Variants in PDK1 observed in about 807,000 individuals in gnomAD.
PDK1 encodes the protein pyruvate dehydrogenase kinase 1, also known as [Pyruvate dehydrogenase (acetyl-transferring)] kinase isozyme 1, mitochondrial.
Under a neutral mutation model 54.2 loss-of-function variants are expected in PDK1, and 39 were observed. The observed-to-expected ratio is 0.72, with a 90% CI of 0.56 to 0.94. The LOEUF (loss-of-function observed/expected upper bound fraction) is 0.94, where lower values mean the gene tolerates loss of function less well. PDK1 is among the 40% of genes least tolerant of loss of function. The probability of loss-of-function intolerance (pLI) is 0.00; values close to 1 mark genes in which losing one functional copy is unlikely to be tolerated. For missense variants in PDK1, 552 were observed against 566.0 expected (o/e 0.98, Z 0.25); for synonymous variants, 221 against 207.1 (o/e 1.07, Z -0.58).
chr2:172,564,518 G>GAT lies in PDK1; in HGVS notation c.428_429dup (p.Arg144TyrfsTer18), dbSNP rs748486606. ...GTTTGTTTAGCTTTACAGATACTGT[G>GAT]ATACGGATCAGAAACCGACACAATG... On this transcript the variant is annotated frameshift_variant, in exon 4 of 11. Transcript: ENST00000282077. LOFTEE classifies it high-confidence loss of function. 67 of 1,613,986 alleles carry GAT rather than the reference G, an allele frequency of 4.2e-5. No individual in the cohort carries two copies. The highest frequency in any genetic ancestry group is 1.0e-4 in the Admixed American group (6 of 60,022).
chr2:172,633,559 A>AT, the PDK1 span, among the ~76,000 whole-genome samples: 4 of 94,520 alleles, frequency 4.2e-5, no homozygotes, highest in African/African-American at 1.0e-4. Flanking sequence ...AAGCCAATCT[A>AT]TTTTTTTGTT....
At chr2:172,644,031 A>G in the PDK1 span, among the ~76,000 whole-genome samples, 4 of 152,168 alleles carry the variant, frequency 2.6e-5, no homozygotes, top group Non-Finnish European at 4.4e-5. Context: ...ACTGAGTTCT[A>G]TGAGTGCCAT....
intron 8 of PDK1, among the ~76,000 whole-genome samples, chr2:172,579,605 C>G (rs1160304681): frequency 6.7e-6 from 1 of 148,392 alleles, no homozygotes; most frequent in Non-Finnish European, 1.5e-5. Flanking sequence ...TGATGTCACT[C>G]CTGCTGTTCT....
In PDK1 at chr2:172,600,494, T is replaced by A. The variant is rs969821851; in HGVS notation, c.*4525T>A. The A allele has an allele frequency of 6.6e-6, 1 of 152,186 alleles. No homozygotes were observed. Among genetic ancestry groups the A allele is most frequent in the Non-Finnish European group, 1.5e-5 (1 of 68,038 alleles). The allele number at this position is 152,186 out of a possible 1,614,324, so 9.4% of individuals were successfully genotyped here. On this transcript the variant is annotated 3_prime_UTR_variant, in exon 11 of 11. Transcript: ENST00000282077. The stretch of plus-strand genomic sequence containing the variant: ...CCAGTATGTAGTAGGCACCTGTAAT[T>A]GTGAAGCAGCCTCATTGTCTGGGGT...
chr2:172,595,366 G>T lies in PDK1; in HGVS notation c.1171-463G>T, dbSNP rs868665646. ...ATTATAGGCATAAGCCACCGTGCCT[G>T]GCTTGTGATGAGTTTTTTTTAAAGC... On this transcript the variant is annotated intron_variant, in intron 10 of 10. Coordinates refer to ENST00000282077, the MANE Select transcript of PDK1 (RefSeq NM_002610.5). Among the ~76,000 whole-genome samples the T allele has an allele frequency of 7.2e-5, 11 of 152,124 alleles. No homozygotes were observed. The Middle Eastern group carries it at 0.01, about 141-fold the overall frequency.
chr2:172,641,510 C>T, the PDK1 span, among the ~76,000 whole-genome samples: 2 of 150,172 alleles, frequency 1.3e-5, no homozygotes, highest in Non-Finnish European at 2.9e-5. Context: ...GGCACAATCT[C>T]GGCTCACTGC....
rs547333934 is a variant in PDK1, at chr2:172,596,027, T to C, written c.*58T>C. 7.8e-5 allele frequency: 116 copies of C among 1,481,650 alleles called. No homozygotes were observed. The African/African-American group carries it at 1.3e-3, about 17-fold the overall frequency. The allele number at this position is 1,481,650 out of a possible 1,614,324, so 91.8% of individuals were successfully genotyped here. A position where few individuals can be genotyped will look rare whatever the true frequency, so the allele number is the denominator to read the frequency against. On this transcript the variant is annotated 3_prime_UTR_variant, in exon 11 of 11. Transcript: ENST00000282077. ...GCTTTTGTATTAAATTTGGAAGGTA[T>C]GGTGTTCAGAACTATATTATACCAA...
At chr2:172,661,982 G>C in the PDK1 span, among the ~76,000 whole-genome samples, 2 of 152,142 alleles carry the variant, frequency 1.3e-5, no homozygotes, top group Non-Finnish European at 1.5e-5. Flanking sequence ...TTTTACAAAG[G>C]TGTGGAAGAA....
chr2:172,644,463 T>C, the PDK1 span, among the ~76,000 whole-genome samples: 1 of 152,240 alleles, frequency 6.6e-6, no homozygotes, highest in Non-Finnish European at 1.5e-5. Flanking sequence ...TAATAGTGCC[T>C]ACTTTACAGG....
At chr2:172,671,042 T>C in the PDK1 span, among the ~76,000 whole-genome samples, 1 of 151,932 alleles carries the variant, frequency 6.6e-6, no homozygotes, top group African/African-American at 2.4e-5. Flanking sequence ...ATGACTTATC[T>C]TTATAGGAAG....
intron 8 of PDK1, among the ~76,000 whole-genome samples, chr2:172,583,690 G>A (rs1690050010): frequency 1.3e-5 from 2 of 151,866 alleles, no homozygotes; most frequent in South Asian, 2.1e-4. Flanking sequence ...GTATTTCAAG[G>A]CAGATTTTTT....
the PDK1 span, chr2:172,724,298 C>A: frequency 4.2e-5 from 5 of 119,978 alleles, no homozygotes; most frequent in Admixed American, 3.8e-4. Flanking sequence ...AAAAGTGAGT[C>A]ATTTCAAACA....
chr2:172,617,401 CAG>C, the PDK1 span, among the ~76,000 whole-genome samples: 48 of 151,970 alleles, frequency 3.2e-4, no homozygotes, highest in Middle Eastern at 0.014. Context: ...GCTGCTATAA[CAG>C]AAGATTCAGA....
the PDK1 span, among the ~76,000 whole-genome samples, chr2:172,680,890 A>G: frequency 3.3e-4 from 51 of 152,264 alleles, 1 homozygote; most frequent in East Asian, 7.9e-3. Context: ...CAAAGGAAAA[A>G]CCTGGGATTG....
the PDK1 span, among the ~76,000 whole-genome samples, chr2:172,646,775 T>C: frequency 8.3e-6 from 1 of 120,360 alleles, no homozygotes; most frequent in Non-Finnish European, 1.8e-5. Context: ...TTTGCTCATG[T>C]TACCCAGGCT....
At chr2:172,700,871 C>G in the PDK1 span, among the ~76,000 whole-genome samples, 3 of 152,150 alleles carry the variant, frequency 2.0e-5, no homozygotes, top group South Asian at 6.2e-4. Flanking sequence ...GGCATGGCGG[C>G]GCACGCCTGC....
At chr2:172,617,932 A>G in the PDK1 span, among the ~76,000 whole-genome samples, 1 of 152,262 alleles carries the variant, frequency 6.6e-6, no homozygotes, top group Admixed American at 6.5e-5. Flanking sequence ...ATTCGGCAAT[A>G]ACCTATTCCT....
the PDK1 span, among the ~76,000 whole-genome samples, chr2:172,660,245 C>CTTTTTTTTTTTTTTTTTTTTTTTT: frequency 1.8e-5 from 1 of 55,630 alleles, no homozygotes; most frequent in African/African-American, 6.8e-5. Flanking sequence ...CTCTCTCTCT[C>CTTTTTTTTTTTTTTTTTTTTTTTT]TCTTTTTTTT....
Position 172,608,279 on chromosome 2 carries a change from TAAAC to T in PDK1, c.*12312_*12315del, listed in dbSNP as rs1452398567. On this transcript the variant is annotated 3_prime_UTR_variant, in exon 11 of 11. Coordinates refer to ENST00000282077, the MANE Select transcript of PDK1 (RefSeq NM_002610.5). ...TACTTGGGCATTGATCAAAGAAAAA[TAAAC>T]ATATAGAAGGAAAGAAAGGTCGTTT... 1 of 152,226 alleles carries T rather than the reference TAAAC, an allele frequency of 6.6e-6. No individual in the cohort carries two copies. The highest frequency in any genetic ancestry group is 2.4e-5 in the African/African-American group (1 of 41,398). The allele number at this position is 152,226 out of a possible 1,614,324, so 9.4% of individuals were successfully genotyped here.
Sources: allele counts gnomAD v4.1 joint callset (sites outside exome capture counted in the v4.1 genomes callset), GRCh38; gene constraint gnomAD v4.1.1; transcripts MANE v1.5; gene names NCBI Gene and HGNC (gene_info 2026-07-23, HGNC 2026-07-21).